The following CPSF1 variants were observed in gnomAD, a reference collection of about 807,000 sequenced individuals.
The protein encoded by CPSF1 is cleavage and polyadenylation specific factor 1.
Under a neutral mutation model 175.8 loss-of-function variants are expected in CPSF1, and 106 were observed. The observed-to-expected ratio is 0.60, with a 90% confidence interval of 0.52 to 0.71. The LOEUF is 0.71. Ranked by LOEUF, CPSF1 falls within the 30% of genes least tolerant of loss-of-function variation. The pLI is 0.00. For missense variants in CPSF1, 1,734 were observed against 2,022.9 expected (o/e 0.86, Z 2.74); for synonymous variants, 1,024 against 858.3 (o/e 1.19, Z -3.37).
At chr8:144,407,606 C>T (rs1049214551) in intron 2 of CPSF1, among the ~76,000 whole-genome samples, 3 of 152,010 alleles carry the variant, frequency 2.0e-5, no homozygotes, top group Non-Finnish European at 2.9e-5. Context: ...AGCTGAGGCA[C>T]AAGAATTGCC....
In CPSF1 at chr8:144,393,748, G is replaced by T; in HGVS notation, c.4064C>A (p.Thr1355Asn). The T allele has an allele frequency of 1.3e-6, 2 of 1,585,434 alleles. No homozygotes were observed. The highest frequency in any genetic ancestry group is 1.7e-6 in the Non-Finnish European group (2 of 1,172,160). The change falls in exon 36 of 38, where the codon ACC (threonine) becomes AAC (asparagine). Residue 1355 changes from threonine to asparagine, a missense_variant. Physicochemically the swap from Thr to Asn is moderately conservative, Grantham distance 65 (BLOSUM62 0). Coordinates refer to ENST00000616140, the MANE Select transcript of CPSF1 (RefSeq NM_013291.3). ...IGLLLPMQEKTYRRLLMLQNA... is the reference protein window; with the variant it reads ...IGLLLPMQEKNYRRLLMLQNA... ...CTGCAGCATCAGCAGCCGCCGGTAG[G>T]TCTTCTCCTGCATGGGCAGCAGCAG...
chr8:144,402,075 G>GT (rs1821239050), intron 2 of CPSF1, among the ~76,000 whole-genome samples: 2 of 152,222 alleles, frequency 1.3e-5, no homozygotes, highest in South Asian at 2.1e-4. Context: ...GAGCCAAGGG[G>GT]TATCTGTAGC....
rs1820476927 is a variant in CPSF1, at chr8:144,393,595, G to A, written c.4146-5C>T. 1.2e-6 allele frequency: 2 copies of A among 1,602,328 alleles called. No individual in the cohort carries two copies. Among genetic ancestry groups the A allele is most frequent in the Non-Finnish European group, 8.5e-7 (1 of 1,177,438 alleles). Reference sequence around the variant, plus strand: ...CGGCGGTCCACGTGCAGCATCCTGGGGCGTACAGGCACAGGTGTCAGGGCA... The same window carrying A: ...CGGCGGTCCACGTGCAGCATCCTGGAGCGTACAGGCACAGGTGTCAGGGCA... On this transcript the variant is annotated splice_region_variant and splice_polypyrimidine_tract_variant and intron_variant, in intron 36 of 37. Transcript: ENST00000616140.
Position 144,393,996 on chromosome 8 carries a change from T to A in CPSF1, c.3902A>T (p.Asp1301Val). The A allele has an allele frequency of 6.2e-7, 1 of 1,613,168 alleles. No individual in the cohort carries two copies. The highest frequency in any genetic ancestry group is 8.5e-7 in the Non-Finnish European group (1 of 1,179,630). ...FGGMRLLRRA[D>V]FHVGAHVNTF... is the part of the protein sequence containing the mutation. ...GTTCACGTGGGCACCCACGTGGAAGTCTGCCCGACGCAGCAGGCGCATGCC... is the reference window on the plus strand; with the variant it reads ...GTTCACGTGGGCACCCACGTGGAAGACTGCCCGACGCAGCAGGCGCATGCC... Residue 1301 changes from aspartate (D) to valine (V), a missense_variant, in exon 35 of 38, where the codon GAC becomes GTC. Around this residue, in one of 10 missense-constraint regions of CPSF1, gnomAD observed 323 missense variants for 338.5 expected, o/e 0.95. Coordinates refer to ENST00000616140, the MANE Select transcript of CPSF1 (RefSeq NM_013291.3).
chr8:144,407,537 A>G (rs911707809), intron 2 of CPSF1, among the ~76,000 whole-genome samples: 1 of 152,036 alleles, frequency 6.6e-6, no homozygotes, highest in Non-Finnish European at 1.5e-5. Flanking sequence ...CAAAAAAAAA[A>G]TTAGCCGGGC....
At position 144,393,846 on chromosome 8, in the gene CPSF1, G is replaced by A. The variant is rs373936657; in HGVS notation, c.4015+37C>T. The A allele has an allele frequency of 5.1e-5, 81 of 1,600,636 alleles. No homozygotes were observed. In the African/African-American group the frequency reaches 9.3e-4, roughly 18 times the overall value. ...TGGTGTGAGCCAGGCCAACCCTAGG[G>A]CCCCCCACCCAGACACACCTGCTCC... On this transcript the variant is annotated intron_variant, in intron 35 of 37. Coordinates refer to ENST00000616140, the MANE Select transcript of CPSF1 (RefSeq NM_013291.3).
rs1554863205 is a variant in CPSF1, at chr8:144,395,141, G to A, written c.3229C>T (p.Gln1077Ter). Residue 1077 changes from glutamine (Q) to a stop codon, truncating the protein, a stop_gained, in exon 29 of 38, where the codon CAG (glutamine) becomes TAG (stop). Transcript: ENST00000616140. LOFTEE classifies it high-confidence loss of function. The stretch of plus-strand genomic sequence containing the variant: ...TCCCAGCTGACCGGGGAGATGAGCT[G>A]GATGGAGAAGGCCTCCTGCTGGGGG... The part of the protein sequence containing the change: ...IHPQQEAFSI[Q>*]LISPVSWEAI... 1.2e-6 allele frequency: 2 copies of A among 1,612,570 alleles called. No homozygotes were observed. Among genetic ancestry groups the A allele is most frequent in the East Asian group, 2.2e-5 (1 of 44,876 alleles).
chr8:144,400,053 A>C lies in CPSF1; in HGVS notation c.970T>G (p.Cys324Gly). The change falls in exon 10 of 38, where the codon TGC (cysteine) becomes GGC (glycine). Residue 324 changes from cysteine to glycine, a missense_variant. By Grantham distance (159) the Cys-to-Gly change is radical (BLOSUM62 -3). Around this residue, in one of 10 missense-constraint regions of CPSF1, gnomAD observed 162 missense variants for 169.5 expected, o/e 0.96. Transcript: ENST00000616140. ...TAGGAGATGAAGGTGGCCTGGGCGC[A>C]GTCCAGGGTGATCCGCACACCCTCC... is the stretch of plus-strand genomic sequence containing the variant. ...TQEGVRITLD[C>G]AQATFISYDK... 1 of 1,609,188 alleles carries C rather than the reference A, an allele frequency of 6.2e-7. No homozygotes were observed. Among genetic ancestry groups the C allele is most frequent in the Non-Finnish European group, 8.5e-7 (1 of 1,179,476 alleles).
intron 2 of CPSF1, among the ~76,000 whole-genome samples, chr8:144,405,344 C>G (rs1554868763): frequency 6.6e-6 from 1 of 152,116 alleles, no homozygotes; most frequent in South Asian, 2.1e-4. Context: ...ATGTCTTGGC[C>G]GGGCTCCGTG....
At chr8:144,397,106 TG>T (rs1288459207) in intron 23 of CPSF1, 100 bp downstream of exon 23, 206 of 671,078 alleles carry the variant, frequency 3.1e-4, no homozygotes, top group Admixed American at 7.5e-4. Context: ...GGCGGGGCCG[TG>T]GGGGAGATGG....
Position 144,396,372 on chromosome 8 carries a change from G to A in CPSF1, c.2955C>T (p.Arg985=), listed in dbSNP as rs144605838. The A allele has an allele frequency of 2.2e-3, 3,487 of 1,587,818 alleles. 21 individuals are homozygous for A. Among genetic ancestry groups the A allele is most frequent in the South Asian group, 0.011 (956 of 87,554 alleles). ...FAPFHNVNCP[R]GFLYFNRQGE... ...CCTGTCTGTTGAAGTACAGGAAGCC[G>A]CGGGGACAGTTGACATTGTGGAATG... Residue 985 remains arginine, a synonymous_variant, in exon 26 of 38, where the codon CGC becomes CGT. Coordinates refer to ENST00000616140, the MANE Select transcript of CPSF1 (RefSeq NM_013291.3).
rs1270599372 is a variant in CPSF1 at position 144,400,145 on chromosome 8, C to CCCA, written c.937+20_937+21insTGG. On this transcript the variant is annotated intron_variant, in intron 9 of 37. Transcript: ENST00000616140. ...CCAAGCCGTCCCCGGGCCCCCCCCG[C>CCCA]CCCAGCCACCCCACACTCACGAAGC... 23 of 1,367,542 alleles carry CCCA rather than the reference C, an allele frequency of 1.7e-5. 1 individual carries two copies. The highest frequency in any genetic ancestry group is 2.4e-4 in the Middle Eastern group (1 of 4,102). The allele number at this position is 1,367,542 out of a possible 1,614,324, so 84.7% of individuals were successfully genotyped here. A position where few individuals can be genotyped will look rare whatever the true frequency, so the allele number is the denominator to read the frequency against.
rs868909999 is a variant in CPSF1, at chr8:144,393,570, C to A, written c.4166G>T (p.Arg1389Leu). 2 of 1,604,034 alleles carry A rather than the reference C, an allele frequency of 1.2e-6. No homozygotes were observed. Among genetic ancestry groups the A allele is most frequent in the Non-Finnish European group, 1.7e-6 (2 of 1,177,530 alleles). The stretch of plus-strand genomic sequence containing the variant: ...GTTGCGCACGGCATTCTGGAGGGTG[C>A]GGCGGTCCACGTGCAGCATCCTGGG... ...RAFRMLHVDR[R>L]TLQNAVRNVL... Residue 1389 changes from arginine to leucine, a missense_variant, in exon 37 of 38, where the codon CGC becomes CTC. Physicochemically the swap from Arg to Leu is moderately radical, Grantham distance 102. Around this residue, in one of 10 missense-constraint regions of CPSF1, gnomAD observed 323 missense variants for 338.5 expected, o/e 0.95. Transcript: ENST00000616140.
In CPSF1 at chr8:144,399,897, G is replaced by T; in HGVS notation, c.1032-29C>A. On this transcript the variant is annotated intron_variant, in intron 10 of 37. Coordinates refer to ENST00000616140, the MANE Select transcript of CPSF1 (RefSeq NM_013291.3). The surrounding 1 kb of genome is among the most constrained non-coding windows in gnomAD (Gnocchi z 6.4). ...GGGGCAGGGAGAATTCTGAGTCGGG[G>T]ATGGGGACCCTGGGGGAGTGAAGGG... 1 of 1,560,330 alleles carries T rather than the reference G, an allele frequency of 6.4e-7. No homozygotes were observed. Among genetic ancestry groups the T allele is most frequent in the Non-Finnish European group, 8.7e-7 (1 of 1,152,642 alleles).
Position 144,394,535 on chromosome 8 carries a change from C to A in CPSF1, c.3588G>T (p.Arg1196=). 1 of 1,609,472 alleles carries A rather than the reference C, an allele frequency of 6.2e-7. No individual in the cohort carries two copies. Among genetic ancestry groups the A allele is most frequent in the Non-Finnish European group, 8.5e-7 (1 of 1,178,520 alleles). ...AGGCCATGCCCGTCAGCTCGCTGGCCCGCAGGCTCCACAGGAAAATCTGGG... is the reference window on the plus strand; with the variant it reads ...AGGCCATGCCCGTCAGCTCGCTGGCACGCAGGCTCCACAGGAAAATCTGGG... The part of the protein sequence containing the change: ...IGQKIFLWSL[R]ASELTGMAFI... Residue 1196 remains arginine (R), a synonymous_variant, in exon 32 of 38, where the codon CGG becomes CGT. Coordinates refer to ENST00000616140, the MANE Select transcript of CPSF1 (RefSeq NM_013291.3).
In CPSF1 at chr8:144,396,583, A is replaced by G. The variant is rs541259827; in HGVS notation, c.2826+15T>C. ...CTCCCTTCTACCACAGACCCCTGCA[A>G]AGGCGCTGGCCTACCCCTGAGTAGC... On this transcript the variant is annotated intron_variant, in intron 25 of 37. Coordinates refer to ENST00000616140, the MANE Select transcript of CPSF1 (RefSeq NM_013291.3). 1.1e-5 allele frequency: 18 copies of G among 1,610,950 alleles called. No individual in the cohort carries two copies. The African/African-American group carries it at 1.6e-4, about 14-fold the overall frequency.
chr8:144,406,800 C>A (rs1222828415), intron 2 of CPSF1, among the ~76,000 whole-genome samples: 1 of 152,236 alleles, frequency 6.6e-6, no homozygotes, highest in Non-Finnish European at 1.5e-5. Flanking sequence ...CGGTGGCCAG[C>A]ATCCAAGGCA....
In CPSF1 at chr8:144,393,864, C is replaced by T. The variant is rs782680232; in HGVS notation, c.4015+19G>A. 16 of 1,603,996 alleles carry T rather than the reference C, an allele frequency of 1.0e-5. No individual in the cohort carries two copies. The highest frequency in any genetic ancestry group is 8.9e-5 in the South Asian group (8 of 90,186). ...CCCTAGGGCCCCCCACCCAGACACA[C>T]CTGCTCCCCCACACTCACCAAACCA... On this transcript the variant is annotated intron_variant, in intron 35 of 37. Transcript: ENST00000616140.
Position 144,394,313 on chromosome 8 carries a change from A to AG in CPSF1, c.3745-14dup. The AG allele has an allele frequency of 6.3e-7, 1 of 1,585,054 alleles. No homozygotes were observed. ...GGGGCTTGGCATCCTGGGGGCGGGA[A>AG]GGGGGCGTCAGAGGTGCCTTGGGCG... On this transcript the variant is annotated splice_polypyrimidine_tract_variant and intron_variant, in intron 32 of 37. Coordinates refer to ENST00000616140, the MANE Select transcript of CPSF1 (RefSeq NM_013291.3).
Sources: allele counts gnomAD v4.1 joint callset (sites outside exome capture counted in the v4.1 genomes callset), GRCh38; gene constraint gnomAD v4.1.1; regional missense constraint gnomAD v4.1.1; non-coding constraint Gnocchi (gnomAD v3.1); transcripts MANE v1.5; gene names NCBI Gene and HGNC (gene_info 2026-07-23, HGNC 2026-07-21).